The following CHD6 variants were observed in gnomAD, a reference collection of about 807,000 sequenced individuals.
CHD6 encodes the protein chromodomain helicase DNA binding protein 6.
A neutral mutation model predicts 276.9 loss-of-function variants in CHD6; 50 were observed. That is an observed-to-expected ratio of 0.18 (90% CI 0.14 to 0.23). The LOEUF (loss-of-function observed/expected upper bound fraction) is 0.23. CHD6 is among the 10% of genes least tolerant of loss of function. The probability of loss-of-function intolerance (pLI) is 1.00; values close to 1 mark genes in which losing one functional copy is unlikely to be tolerated. For missense variants in CHD6, 2,564 were observed against 3,365.8 expected, an observed-to-expected ratio of 0.76 and a Z score of 5.89; for synonymous variants, 1,173 against 1,229.3, an observed-to-expected ratio of 0.95 and a Z score of 0.96.
chr20:41,403,060 T>A lies in CHD6; in HGVS notation c.*1533A>T, dbSNP rs1260570861. The A allele has an allele frequency of 4.6e-6, 1 of 218,392 alleles. No homozygotes were observed. Among genetic ancestry groups the A allele is most frequent in the Non-Finnish European group, 9.1e-6 (1 of 109,986 alleles). 13.5% of individuals were successfully genotyped at this position (218,392 alleles called of 1,614,324 possible). ...ATTTTAACATTTACATAATTTATAA[T>A]CCCAAATGTATAAAAGACAATGAAA... On this transcript the variant is annotated 3_prime_UTR_variant, in exon 37 of 37. Transcript: ENST00000373233.
chr20:41,584,341 A>G (rs1005472493), intron 1 of CHD6, among the ~76,000 whole-genome samples: 6 of 152,308 alleles, frequency 3.9e-5, no homozygotes, highest in African/African-American at 1.4e-4. Flanking sequence ...ATACGATGTA[A>G]GAATTCACAG....
intron 9 of CHD6, 38 bp downstream of exon 9, chr20:41,493,820 A>C (rs1011777866): frequency 2.5e-6 from 4 of 1,586,524 alleles, no homozygotes; most frequent in Admixed American, 1.7e-5. Flanking sequence ...AAATACGTGG[A>C]AAGAAGGGAA....
At chr20:41,439,375 T>A (rs1033592323) in intron 26 of CHD6, among the ~76,000 whole-genome samples, 1 of 151,886 alleles carries the variant, frequency 6.6e-6, no homozygotes, top group African/African-American at 2.4e-5. Context: ...AAAAAAGCTA[T>A]GTTTTCAAAA....
At position 41,504,034 on chromosome 20, in the gene CHD6, C is replaced by T. The variant is rs536646655; in HGVS notation, c.853-4677G>A. Among the ~76,000 whole-genome samples the T allele has an allele frequency of 9.2e-4, 121 of 131,988 alleles. 1 individual carries two copies. The highest frequency in any genetic ancestry group is 3.3e-3 in the African/African-American group (110 of 33,536). The allele number at this position is 131,988 out of a possible 152,430, so 86.6% of individuals were successfully genotyped here. A position where few individuals can be genotyped will look rare whatever the true frequency, so the allele number is the denominator to read the frequency against. ...CAGAGGTTGCAGTGAGCTGAGATTG[C>T]GCCACTGTACTCCAGCTTGGGTGAT... On this transcript the variant is annotated intron_variant, in intron 5 of 36. Transcript: ENST00000373233.
chr20:41,484,331 T>C, intron 15 of CHD6, 21 bp downstream of exon 15: 1 of 1,613,022 alleles, frequency 6.2e-7, no homozygotes, highest in Non-Finnish European at 8.5e-7. Context: ...CCTGAGTTAC[T>C]TCCTAGTGCC....
intron 5 of CHD6, among the ~76,000 whole-genome samples, chr20:41,511,829 C>T (rs559518839): frequency 1.1e-4 from 16 of 152,166 alleles, no homozygotes; most frequent in Non-Finnish European, 1.9e-4. Flanking sequence ...CTTTCCTGTC[C>T]ACTCCTGCTT....
At chr20:41,584,357 T>A (rs2045570987) in intron 1 of CHD6, among the ~76,000 whole-genome samples, 1 of 152,154 alleles carries the variant, frequency 6.6e-6, no homozygotes, top group African/African-American at 2.4e-5. Flanking sequence ...CACAGAATTG[T>A]AAGGAGAAAT....
intron 1 of CHD6, among the ~76,000 whole-genome samples, chr20:41,579,244 G>A (rs566434735): frequency 4.1e-5 from 6 of 148,116 alleles, no homozygotes; most frequent in Non-Finnish European, 7.4e-5. Flanking sequence ...AGACCAGCCC[G>A]ACCAACAGTG....
At chr20:41,497,926 G>A (rs374094442) in intron 7 of CHD6, 24 of 494,886 alleles carry the variant, frequency 4.8e-5, no homozygotes, top group East Asian at 2.5e-4. Flanking sequence ...GGGCCCCACT[G>A]AGTCTGAGCC....
chr20:41,512,725 G>A lies in CHD6; in HGVS notation c.852+121C>T, dbSNP rs2044150788. On this transcript the variant is annotated intron_variant, in intron 5 of 36. Transcript: ENST00000373233. ...CCAATGCAACAGGAAGTCAATCGAA[G>A]GCCACAAGCAGCAGTTAAAATGATC... 9 of 1,126,566 alleles carry A rather than the reference G, an allele frequency of 8.0e-6. No individual in the cohort carries two copies. In the South Asian group the frequency reaches 1.3e-4, roughly 16 times the overall value. The allele number at this position is 1,126,566 out of a possible 1,614,324, so 69.8% of individuals were successfully genotyped here. A position where few individuals can be genotyped will look rare whatever the true frequency, so the allele number is the denominator to read the frequency against.
At chr20:41,474,118 T>C (rs897896765) in intron 16 of CHD6, among the ~76,000 whole-genome samples, 11 of 152,152 alleles carry the variant, frequency 7.2e-5, no homozygotes, top group African/African-American at 2.7e-4. Flanking sequence ...CAGTAGTACA[T>C]TGCCAAGCAT....
chr20:41,539,674 C>G (rs561866522), intron 2 of CHD6, among the ~76,000 whole-genome samples: 1 of 152,160 alleles, frequency 6.6e-6, no homozygotes, highest in Non-Finnish European at 1.5e-5. Flanking sequence ...TGTGGATATC[C>G]TTTTAAACAG....
Position 41,422,042 on chromosome 20 carries a change from A to G in CHD6, c.4593T>C (p.Thr1531=). 1 of 1,613,944 alleles carries G rather than the reference A, an allele frequency of 6.2e-7. No homozygotes were observed. The highest frequency in any genetic ancestry group is 8.5e-7 in the Non-Finnish European group (1 of 1,179,896). ...ACAGAGTTCTTGCAGCACGTTCCTC[A>G]GTGATGGGTTCAACGTAGATGGTGG... ...PDTTIYVEPI[T]EERAARTLYR... is the part of the protein sequence containing the mutation. The change falls in exon 31 of 37, where the codon ACT becomes ACC. Residue 1531 remains threonine (T), a synonymous_variant. Transcript: ENST00000373233.
chr20:41,501,728 T>C (rs2048174234), intron 5 of CHD6, among the ~76,000 whole-genome samples: 2 of 152,128 alleles, frequency 1.3e-5, no homozygotes, highest in South Asian at 4.1e-4. Context: ...TGTCAATAAA[T>C]AAATAAATAA....
intron 3 of CHD6, among the ~76,000 whole-genome samples, chr20:41,530,868 A>G (rs1280510400): frequency 6.6e-6 from 1 of 152,206 alleles, no homozygotes; most frequent in Non-Finnish European, 1.5e-5. Context: ...TCTAAACCTC[A>G]AAAGGTTCTG....
At chr20:41,550,218 A>C (rs2045123553) in intron 2 of CHD6, among the ~76,000 whole-genome samples, 2 of 152,218 alleles carry the variant, frequency 1.3e-5, no homozygotes, top group Non-Finnish European at 2.9e-5. Context: ...ATCATACATG[A>C]AACAGCAATT....
intron 31 of CHD6, 115 bp downstream of exon 31, chr20:41,420,393 G>A (rs2047146155): frequency 1.8e-6 from 2 of 1,141,944 alleles, no homozygotes; most frequent in East Asian, 2.4e-5. Context: ...GGTGAGGGTA[G>A]GCAGGTCTGT....
At chr20:41,540,733 T>A (rs760299768) in intron 2 of CHD6, among the ~76,000 whole-genome samples, 4 of 152,204 alleles carry the variant, frequency 2.6e-5, no homozygotes, top group Non-Finnish European at 5.9e-5. Flanking sequence ...GAGTCTTCTA[T>A]CTTCTCCAGC....
intron 12 of CHD6, 32 bp from the exon 13 acceptor site, chr20:41,488,636 A>C: frequency 1.3e-6 from 2 of 1,594,476 alleles, no homozygotes; most frequent in Non-Finnish European, 1.7e-6. Context: ...TCAAAGCTTT[A>C]CACCATGGCT....
Sources: gnomAD v4.1 joint callset for allele counts (sites outside exome capture counted in the v4.1 genomes callset) on GRCh38, gnomAD v4.1.1 for gene constraint, MANE v1.5 for transcripts, NCBI Gene and HGNC (gene_info 2026-07-23, HGNC 2026-07-21) for gene names.